Variants in RUNDC3B observed in about 807,000 individuals in gnomAD.
The protein encoded by RUNDC3B is RUN domain containing 3B, also known as RUN domain-containing protein 3B.
Under a neutral mutation model 58.4 loss-of-function variants are expected in RUNDC3B, and 33 were observed. That is an observed-to-expected ratio of 0.56 (90% CI 0.43 to 0.75). RUNDC3B has a LOEUF of 0.75. Among genes scored for constraint, RUNDC3B ranks in the 30% least tolerant of loss-of-function variants. The probability of loss-of-function intolerance (pLI) is 0.00; values close to 1 mark genes in which losing one functional copy is unlikely to be tolerated. For synonymous variants in RUNDC3B, 193 were observed against 195.2 expected, an observed-to-expected ratio of 0.99 and a Z score of 0.10; for missense variants, 501 against 535.7, an observed-to-expected ratio of 0.94 and a Z score of 0.64.
At chr7:87,642,031 C>T (rs774305980) in intron 1 of RUNDC3B, among the ~76,000 whole-genome samples, 13 of 151,802 alleles carry the variant, frequency 8.6e-5, no homozygotes, top group Admixed American at 2.0e-4. Flanking sequence ...TATACGTGGA[C>T]GATATGCTTT....
rs556559535 is a variant in RUNDC3B, at chr7:87,715,274, T to A, written c.458+4619T>A. Reference sequence around the variant, plus strand: ...TATATTATATATAATTAATTTATAATAATTATATATAATTAATTTATAATA... The same window carrying A: ...TATATTATATATAATTAATTTATAAAAATTATATATAATTAATTTATAATA... On this transcript the variant is annotated intron_variant, in intron 4 of 10. Coordinates refer to ENST00000394654, the MANE Select transcript of RUNDC3B (RefSeq NM_001134405.2). Among the ~76,000 whole-genome samples the A allele has an allele frequency of 2.2e-3, 295 of 132,118 alleles. 3 individuals carry two copies. Among genetic ancestry groups the A allele is most frequent in the African/African-American group, 8.2e-3 (286 of 34,686 alleles). The allele number at this position is 132,118 out of a possible 152,430, so 86.7% of individuals were successfully genotyped here. A position where few individuals can be genotyped will look rare whatever the true frequency, so the allele number is the denominator to read the frequency against.
At chr7:87,651,514 A>T (rs1021354041) in intron 2 of RUNDC3B, among the ~76,000 whole-genome samples, 3 of 152,150 alleles carry the variant, frequency 2.0e-5, no homozygotes, top group Non-Finnish European at 2.9e-5. Context: ...GCTAAAATTC[A>T]AGAAGTATTA....
chr7:87,735,040 A>T (rs909829740), intron 4 of RUNDC3B, among the ~76,000 whole-genome samples: 1 of 152,118 alleles, frequency 6.6e-6, no homozygotes, highest in Non-Finnish European at 1.5e-5. Context: ...CTGGCTTGAA[A>T]TACCATCCAT....
intron 6 of RUNDC3B, among the ~76,000 whole-genome samples, chr7:87,753,653 A>G (rs1393827529): frequency 6.6e-6 from 1 of 152,116 alleles, no homozygotes; most frequent in Non-Finnish European, 1.5e-5. Flanking sequence ...GTTGGCCAAC[A>G]ATAGTAGTTG....
chr7:87,700,971 T>C (rs1316726085), intron 3 of RUNDC3B, among the ~76,000 whole-genome samples: 3 of 152,192 alleles, frequency 2.0e-5, no homozygotes, highest in Non-Finnish European at 4.4e-5. Context: ...AGTATTTTCT[T>C]TTAAAGGCAG....
Position 87,741,611 on chromosome 7 carries a change from A to G in RUNDC3B, c.629+32A>G, listed in dbSNP as rs745739690. ...GACATTTTGAGATATGTTTTTTAAA[A>G]TCTTATTTAAAATTGAATGTCTTGT... On this transcript the variant is annotated intron_variant, in intron 6 of 10. Transcript: ENST00000394654. 19 of 1,261,834 alleles carry G rather than the reference A, an allele frequency of 1.5e-5. No homozygotes were observed. The African/African-American group carries it at 2.5e-4, about 17-fold the overall frequency. 78.2% of individuals were successfully genotyped at this position (1,261,834 alleles called of 1,614,324 possible).
intron 4 of RUNDC3B, among the ~76,000 whole-genome samples, chr7:87,737,961 G>A (rs17149882): frequency 0.048 from 7,335 of 151,866 alleles, 262 homozygotes; most frequent in East Asian, 0.092. Context: ...ATTTTTTGCC[G>A]TGGTGTTCTT....
chr7:87,748,151 C>T (rs976831746), intron 6 of RUNDC3B, among the ~76,000 whole-genome samples: 1 of 152,226 alleles, frequency 6.6e-6, no homozygotes, highest in Non-Finnish European at 1.5e-5. Flanking sequence ...GCTCCCAGGG[C>T]CTTTCTGCTG....
At chr7:87,814,400 G>A (rs1325186630) in intron 9 of RUNDC3B, among the ~76,000 whole-genome samples, 4 of 152,028 alleles carry the variant, frequency 2.6e-5, no homozygotes, top group African/African-American at 9.7e-5. Context: ...ACGCCCGGCC[G>A]GAGAATTATT....
chr7:87,727,017 A>C (rs944665299), intron 4 of RUNDC3B, among the ~76,000 whole-genome samples: 1 of 152,150 alleles, frequency 6.6e-6, no homozygotes, highest in African/African-American at 2.4e-5. Context: ...TAAATATACA[A>C]TCATGTCATC....
At chr7:87,715,825 T>C (rs896467741) in intron 4 of RUNDC3B, among the ~76,000 whole-genome samples, 3 of 151,762 alleles carry the variant, frequency 2.0e-5, no homozygotes, top group Non-Finnish European at 4.4e-5. Flanking sequence ...AACTGACCAA[T>C]TACTGAAGGG....
intron 1 of RUNDC3B, among the ~76,000 whole-genome samples, chr7:87,630,480 A>G (rs1283019887): frequency 6.6e-6 from 1 of 152,174 alleles, no homozygotes; most frequent in Non-Finnish European, 1.5e-5. Flanking sequence ...GTTTTAAAAT[A>G]TAGGTAAATA....
At chr7:87,651,787 A>G (rs1823596360) in intron 2 of RUNDC3B, among the ~76,000 whole-genome samples, 1 of 152,100 alleles carries the variant, frequency 6.6e-6, no homozygotes, top group African/African-American at 2.4e-5. Flanking sequence ...TAAGTGTTTA[A>G]ATGAGTTGAG....
chr7:87,802,981 C>T (rs1012416004), intron 8 of RUNDC3B, among the ~76,000 whole-genome samples: 1 of 151,682 alleles, frequency 6.6e-6, no homozygotes, highest in African/African-American at 2.4e-5. Flanking sequence ...TGAGACCCTA[C>T]TCAAAATAAA....
chr7:87,804,101 A>C (rs1157762490), intron 8 of RUNDC3B, among the ~76,000 whole-genome samples: 1 of 152,162 alleles, frequency 6.6e-6, no homozygotes, highest in Non-Finnish European at 1.5e-5. Flanking sequence ...AAAGCAATAC[A>C]AGTTGTATCA....
chr7:87,708,721 A>G, intron 3 of RUNDC3B, among the ~76,000 whole-genome samples: 1 of 152,062 alleles, frequency 6.6e-6, no homozygotes, highest in Non-Finnish European at 1.5e-5. Flanking sequence ...GTATTAACAT[A>G]ATTAGGCTGG....
Position 87,628,808 on chromosome 7 carries a change from C to G in RUNDC3B, c.-16C>G. Reference sequence around the variant, plus strand: ...GGGGTGGCACGAGACAAAAGGGGCACGGGGGTAAGCCCGCCATGGCCTCCC... The same window carrying G: ...GGGGTGGCACGAGACAAAAGGGGCAGGGGGGTAAGCCCGCCATGGCCTCCC... On this transcript the variant is annotated 5_prime_UTR_variant, in exon 1 of 11. Transcript: ENST00000394654. 8.1e-7 allele frequency: 1 copy of G among 1,230,304 alleles called. No homozygotes were observed. Among genetic ancestry groups the G allele is most frequent in the Admixed American group, 4.2e-5 (1 of 23,786 alleles). 76.2% of individuals were successfully genotyped at this position (1,230,304 alleles called of 1,614,324 possible). A position where few individuals can be genotyped will look rare whatever the true frequency, so the allele number is the denominator to read the frequency against.
intron 1 of RUNDC3B, among the ~76,000 whole-genome samples, chr7:87,631,491 C>T (rs1353270774): frequency 4.6e-5 from 7 of 152,170 alleles, no homozygotes; most frequent in African/African-American, 9.6e-5. Context: ...CCCGGGTTCA[C>T]GCCATTCTCC....
chr7:87,793,183 A>G (rs970835844), intron 8 of RUNDC3B, among the ~76,000 whole-genome samples: 4 of 152,104 alleles, frequency 2.6e-5, no homozygotes, highest in Non-Finnish European at 4.4e-5. Flanking sequence ...AATAACTAGT[A>G]ATGAGATTTA....
Sources: gnomAD v4.1 joint callset for allele counts (sites outside exome capture counted in the v4.1 genomes callset) on GRCh38, gnomAD v4.1.1 for gene constraint, MANE v1.5 for transcripts, NCBI Gene and HGNC (gene_info 2026-07-23, HGNC 2026-07-21) for gene names.